VPS13B: variants seen among roughly 807,000 people sequenced by gnomAD.
VPS13B encodes the protein intermembrane lipid transfer protein VPS13B.
A neutral mutation model predicts 426.4 loss-of-function variants in VPS13B; 285 were observed. That is an observed-to-expected ratio of 0.67 (90% CI 0.61 to 0.74). The LOEUF (loss-of-function observed/expected upper bound fraction) is 0.74, where lower values mean the gene tolerates loss of function less well. VPS13B is among the 30% of genes least tolerant of loss of function. The probability of loss-of-function intolerance (pLI) is 0.00; values close to 1 mark genes in which losing one functional copy is unlikely to be tolerated. For missense variants in VPS13B, 4,537 were observed against 4,782.6 expected (o/e 0.95, Z 1.51); for synonymous variants, 1,676 against 1,676.4 (o/e 1.00, Z 0.01).
At position 99,638,819 on chromosome 8, in the gene VPS13B, G is replaced by T. The variant is rs570518171; in HGVS notation, c.5221-2992G>T. Among the ~76,000 whole-genome samples, 43 of 152,136 alleles carry T rather than the reference G, an allele frequency of 2.8e-4. No individual in the cohort carries two copies. The Middle Eastern group carries it at 0.01, about 36-fold the overall frequency. ...TTCTCCATTTACATTTCTTTATATCGTAACAATCATGTAACTCTAGTCTGC... is the reference window on the plus strand; with the variant it reads ...TTCTCCATTTACATTTCTTTATATCTTAACAATCATGTAACTCTAGTCTGC... On this transcript the variant is annotated intron_variant, in intron 33 of 61. Coordinates refer to ENST00000357162, the MANE Select transcript of VPS13B (RefSeq NM_152564.5).
At chr8:99,691,396 G>A (rs1267292664) in intron 35 of VPS13B, among the ~76,000 whole-genome samples, 1 of 151,946 alleles carries the variant, frequency 6.6e-6, no homozygotes, top group Non-Finnish European at 1.5e-5. Context: ...ATGTCAATAA[G>A]GTGTTTTAAA....
chr8:99,507,699 A>T, intron 28 of VPS13B: 1 of 1,604,804 alleles, frequency 6.2e-7, no homozygotes. Context: ...AACTATCCAG[A>T]TATTTTTTTG....
At chr8:99,093,552 C>T (rs1846270196) in intron 3 of VPS13B, among the ~76,000 whole-genome samples, 1 of 146,810 alleles carries the variant, frequency 6.8e-6, no homozygotes. Flanking sequence ...ACAACAGTCC[C>T]CAGAGTGCGA....
At chr8:99,751,188 TC>T in intron 39 of VPS13B, among the ~76,000 whole-genome samples, 1 of 152,166 alleles carries the variant, frequency 6.6e-6, no homozygotes, top group Admixed American at 6.6e-5. Flanking sequence ...TTTTAGCTTT[TC>T]ATGCTTTTTA....
At chr8:99,170,671 T>C (rs1369561357) in intron 16 of VPS13B, among the ~76,000 whole-genome samples, 1 of 151,892 alleles carries the variant, frequency 6.6e-6, no homozygotes, top group Admixed American at 6.6e-5. Flanking sequence ...CCGAATTGAA[T>C]GCTATATTTG....
chr8:99,859,441 T>A lies in VPS13B; in HGVS notation c.11005T>A (p.Ser3669Thr). The A allele has an allele frequency of 6.2e-7, 1 of 1,613,894 alleles. No homozygotes were observed. The change falls in exon 57 of 62, where the codon TCC (serine) becomes ACC (threonine). Residue 3669 changes from serine to threonine, a missense_variant. Around this residue, in one of 2 missense-constraint regions of VPS13B, gnomAD observed 4,311 missense variants for 4,474.3 expected, o/e 0.96. Transcript: ENST00000357162. ...RGPGAFVSGVSRGTTSFVKHI... is the reference protein window; with the variant it reads ...RGPGAFVSGVTRGTTSFVKHI... ...CCCTGGAGCCTTCGTGAGTGGCGTCTCCAGAGGGACCACATCGTTTGTAAA... is the reference window on the plus strand; with the variant it reads ...CCCTGGAGCCTTCGTGAGTGGCGTCACCAGAGGGACCACATCGTTTGTAAA...
chr8:99,296,972 A>G (rs1206971277), intron 19 of VPS13B, among the ~76,000 whole-genome samples: 1 of 152,142 alleles, frequency 6.6e-6, no homozygotes, highest in Non-Finnish European at 1.5e-5. Context: ...TAGAAGAGTG[A>G]TAAACACCAA....
chr8:99,362,248 TCTC>T lies in VPS13B; in HGVS notation c.2825-21957_2825-21955del, dbSNP rs540201625. ...GCTCCGCCTCCCAGTTTCACGCCAT[TCTC>T]CTGCCTCAGCCTCCTGAGTAGCTGG... On this transcript the variant is annotated intron_variant, in intron 19 of 61. Transcript: ENST00000357162. Among the ~76,000 whole-genome samples the T allele has an allele frequency of 1.7e-3, 259 of 151,400 alleles. 1 individual carries two copies. The highest frequency in any genetic ancestry group is 2.1e-3 in the Non-Finnish European group (144 of 67,788).
intron 43 of VPS13B, among the ~76,000 whole-genome samples, chr8:99,794,386 C>G (rs1371514242): frequency 2.0e-5 from 3 of 152,172 alleles, no homozygotes; most frequent in Admixed American, 6.5e-5. Context: ...ACGATAACTA[C>G]AGTAGACATT....
At chr8:99,042,070 G>A (rs1842987146) in intron 3 of VPS13B, among the ~76,000 whole-genome samples, 1 of 151,698 alleles carries the variant, frequency 6.6e-6, no homozygotes, top group African/African-American at 2.4e-5. Context: ...AACCCAGGAG[G>A]CGGAGGTTGT....
At chr8:99,030,745 G>A (rs1473098802) in intron 2 of VPS13B, among the ~76,000 whole-genome samples, 6 of 152,068 alleles carry the variant, frequency 3.9e-5, no homozygotes, top group Non-Finnish European at 8.8e-5. Flanking sequence ...GAGGATGCTC[G>A]TTTTCACTTT....
intron 35 of VPS13B, among the ~76,000 whole-genome samples, chr8:99,699,291 A>C (rs1351362776): frequency 1.3e-5 from 2 of 151,972 alleles, no homozygotes; most frequent in Non-Finnish European, 2.9e-5. Context: ...CACACATGTC[A>C]CAAGGATTGG....
chr8:99,874,658 G>T (rs1273010340), intron 61 of VPS13B, among the ~76,000 whole-genome samples: 1 of 151,978 alleles, frequency 6.6e-6, no homozygotes. Flanking sequence ...GATAGCTAAA[G>T]GACTTCAGGG....
chr8:99,661,469 T>A lies in VPS13B; in HGVS notation c.6024T>A (p.Ile2008=). The part of the protein sequence containing the change: ...GIPPSFITLQ[I]KDFLNGPADV... ...CACCTTCCTTTATAACACTACAGAT[T>A]AAAGACTTTCTGAATGGACCAGGTA... is the stretch of plus-strand genomic sequence containing the variant. Residue 2008 remains isoleucine (I), a synonymous_variant, in exon 35 of 62, where the codon ATT becomes ATA. Transcript: ENST00000357162. 6.2e-7 allele frequency: 1 copy of A among 1,613,348 alleles called. No individual in the cohort carries two copies. The highest frequency in any genetic ancestry group is 2.2e-5 in the East Asian group (1 of 44,830).
chr8:99,595,846 C>G (rs886380232), intron 33 of VPS13B, among the ~76,000 whole-genome samples: 5 of 151,848 alleles, frequency 3.3e-5, no homozygotes, highest in Non-Finnish European at 7.4e-5. Flanking sequence ...TAAATGGGCT[C>G]AAAGAATCTT....
intron 19 of VPS13B, among the ~76,000 whole-genome samples, chr8:99,362,139 CTTTTTTTTTTTT>C: frequency 8.4e-6 from 1 of 119,748 alleles, no homozygotes; most frequent in Non-Finnish European, 1.8e-5. Context: ...TTTAATTTGT[CTTTTTTTTTTTT>C]TTTTTTTTTG....
intron 33 of VPS13B, among the ~76,000 whole-genome samples, chr8:99,592,835 T>C (rs1035806759): frequency 6.6e-6 from 1 of 152,108 alleles, no homozygotes; most frequent in African/African-American, 2.4e-5. Context: ...GTTTAATAAA[T>C]GGTGCTGGGA....
chr8:99,026,880 T>G (rs949874052), intron 2 of VPS13B, among the ~76,000 whole-genome samples: 2 of 152,160 alleles, frequency 1.3e-5, no homozygotes, highest in South Asian at 4.1e-4. Context: ...ATTTATTTTT[T>G]TTTTCCCCCG....
In VPS13B at chr8:99,875,533, C is replaced by G. The variant is rs1817659583; in HGVS notation, c.11861C>G (p.Pro3954Arg). The G allele has an allele frequency of 6.2e-7, 1 of 1,613,968 alleles. No individual in the cohort carries two copies. The highest frequency in any genetic ancestry group is 8.5e-7 in the Non-Finnish European group (1 of 1,179,974). Residue 3954 changes from proline to arginine, a missense_variant, in exon 62 of 62, where the codon CCT becomes CGT. This residue lies in a region of VPS13B where 4,311 missense variants were observed against 4,474.3 expected (regional missense o/e 0.96). Transcript: ENST00000357162. ...TGTTCTTCCATGCAAATACCATGCC[C>G]TGTGGTGGCTGCAGAACCTCCCCCC... ...PSCSSMQIPCPVVAAEPPPST... is the reference protein window; with the variant it reads ...PSCSSMQIPCRVVAAEPPPST...
Sources: gnomAD v4.1 joint callset for allele counts (sites outside exome capture counted in the v4.1 genomes callset) on GRCh38, gnomAD v4.1.1 for gene constraint, gnomAD v4.1.1 regional missense constraint, MANE v1.5 for transcripts, NCBI Gene and HGNC (gene_info 2026-07-23, HGNC 2026-07-21) for gene names.